The following NLRP1 variants were observed in gnomAD, a reference collection of about 807,000 sequenced individuals.
The protein encoded by NLRP1 is NACHT, LRR and PYD domains-containing protein 1.
Under a neutral mutation model 136.7 loss-of-function variants are expected in NLRP1, and 94 were observed. The observed-to-expected ratio is 0.69, with a 90% CI of 0.58 to 0.82. The LOEUF is 0.82. NLRP1 is among the 40% of genes least tolerant of loss of function. NLRP1 has a pLI of 0.00. For missense variants in NLRP1, 1,575 were observed against 1,802.7 expected, an observed-to-expected ratio of 0.87 and a Z score of 2.29; for synonymous variants, 690 against 725.1, an observed-to-expected ratio of 0.95 and a Z score of 0.78.
downstream of NLRP1, among the ~76,000 whole-genome samples, chr17:5,511,802 T>G (rs540185687): frequency 5.6e-5 from 8 of 142,276 alleles, no homozygotes; most frequent in East Asian, 3.0e-3. Flanking sequence ...TTCCTTTCTC[T>G]CTTTCCTTCC....
At chr17:5,527,071 C>T (rs763164441) in intron 12 of NLRP1, among the ~76,000 whole-genome samples, 5 of 152,340 alleles carry the variant, frequency 3.3e-5, no homozygotes, top group East Asian at 3.9e-4. Context: ...GGGCCCTGCC[C>T]GGCCCCAGGG....
chr17:5,553,436 C>T lies in NLRP1; in HGVS notation c.2478G>A (p.Lys826=). ...SGNSLSHSAV[K]SLCKTLRRPR... The stretch of plus-strand genomic sequence containing the variant: ...GGCGTCTCAGGGTCTTACAAAGACT[C>T]TTCACTGCAGAGTGGCTCAGCGAGT... Residue 826 remains lysine (K), a synonymous_variant, in exon 5 of 17, where the codon AAG becomes AAA. Coordinates refer to ENST00000572272, the MANE Select transcript of NLRP1 (RefSeq NM_033004.4). The T allele has an allele frequency of 6.2e-7, 1 of 1,614,186 alleles. No homozygotes were observed. Among genetic ancestry groups the T allele is most frequent in the African/African-American group, 1.3e-5 (1 of 75,054 alleles).
At chr17:5,542,912 C>A (rs1201192553) in intron 5 of NLRP1, among the ~76,000 whole-genome samples, 2 of 152,118 alleles carry the variant, frequency 1.3e-5, no homozygotes, top group Admixed American at 6.5e-5. Context: ...TCACTGCAAC[C>A]TCCGCGCCCT....
chr17:5,516,179 A>T (rs921413168), intron 15 of NLRP1, among the ~76,000 whole-genome samples: 1 of 152,074 alleles, frequency 6.6e-6, no homozygotes, highest in African/African-American at 2.4e-5. Flanking sequence ...CAGTTCAGGG[A>T]GGTGGGCACA....
At chr17:5,557,809 C>T (rs765775450) in intron 4 of NLRP1, among the ~76,000 whole-genome samples, 10 of 152,178 alleles carry the variant, frequency 6.6e-5, no homozygotes, top group African/African-American at 1.7e-4. Context: ...GGTGGCACCA[C>T]GGTCACAAAT....
chr17:5,529,140 T>C (rs1342480460), intron 12 of NLRP1, among the ~76,000 whole-genome samples: 1 of 152,218 alleles, frequency 6.6e-6, no homozygotes, highest in Non-Finnish European at 1.5e-5. Flanking sequence ...TTCACATTAA[T>C]GAGACTAATC....
downstream of NLRP1, chr17:5,512,339 T>A (rs2151730406): frequency 1.5e-6 from 2 of 1,334,186 alleles, no homozygotes; most frequent in South Asian, 2.3e-5. Context: ...GGGTCTACTT[T>A]AGCCTTACAC....
rs906633987 is a variant in NLRP1, at chr17:5,584,286, C to T, written c.-329G>A. 7.3e-6 allele frequency: 3 copies of T among 409,914 alleles called. No homozygotes were observed. Among genetic ancestry groups the T allele is most frequent in the East Asian group, 5.1e-5 (1 of 19,472 alleles). 25.4% of individuals were successfully genotyped at this position (409,914 alleles called of 1,614,324 possible). A position where few individuals can be genotyped will look rare whatever the true frequency, so the allele number is the denominator to read the frequency against. On this transcript the variant is annotated 5_prime_UTR_variant, in exon 1 of 17. Coordinates refer to ENST00000572272, the MANE Select transcript of NLRP1 (RefSeq NM_033004.4). ...GTGACGGGAGATGGGGTGTGGGCAA[C>T]GCTCACTGTTCTGTGTTCCTCAGAT...
intron 3 of NLRP1, among the ~76,000 whole-genome samples, chr17:5,577,564 A>G (rs1905142400): frequency 6.6e-6 from 1 of 152,224 alleles, no homozygotes; most frequent in African/African-American, 2.4e-5. Context: ...GATGTGAAGG[A>G]CCTCTTCAAG....
At chr17:5,551,407 C>G (rs940122091) in intron 5 of NLRP1, among the ~76,000 whole-genome samples, 1 of 152,010 alleles carries the variant, frequency 6.6e-6, no homozygotes, top group Non-Finnish European at 1.5e-5. Context: ...CTGTTTGTAC[C>G]ACAATTTATG....
intron 8 of NLRP1, 58 bp downstream of exon 8, chr17:5,536,792 TG>T: frequency 8.1e-7 from 1 of 1,234,448 alleles, no homozygotes. Flanking sequence ...GCTCTTTCCC[TG>T]TCTCCTGCTC....
intron 3 of NLRP1, among the ~76,000 whole-genome samples, chr17:5,581,435 C>T (rs184304291): frequency 4.9e-4 from 74 of 152,280 alleles, no homozygotes; most frequent in Non-Finnish European, 7.8e-4. Context: ...CCAATGTACA[C>T]GTAAAGCCCT....
intron 7 of NLRP1, among the ~76,000 whole-genome samples, chr17:5,539,074 T>G (rs1217565448): frequency 6.6e-6 from 1 of 152,200 alleles, no homozygotes; most frequent in East Asian, 1.9e-4. Context: ...TTTCAGCATG[T>G]TGGCCAGGCT....
intron 15 of NLRP1, among the ~76,000 whole-genome samples, chr17:5,506,663 G>A (rs557027975): frequency 9.9e-5 from 15 of 151,818 alleles, no homozygotes; most frequent in African/African-American, 3.6e-4. Context: ...AAGCCGAGGC[G>A]GGAGGATCAC....
At chr17:5,546,416 C>T (rs1451963660) in intron 5 of NLRP1, among the ~76,000 whole-genome samples, 1 of 152,172 alleles carries the variant, frequency 6.6e-6, no homozygotes, top group Non-Finnish European at 1.5e-5. Context: ...CCAGAGGAGG[C>T]CAAGGGTCCA....
At chr17:5,572,530 A>C (rs1904489142) in intron 3 of NLRP1, among the ~76,000 whole-genome samples, 1 of 152,072 alleles carries the variant, frequency 6.6e-6, no homozygotes, top group Non-Finnish European at 1.5e-5. Flanking sequence ...CAGCCTGGCC[A>C]ACAGACCATC....
intron 9 of NLRP1, 140 bp from the exon 10 acceptor site, chr17:5,533,524 C>T: frequency 1.8e-6 from 1 of 569,692 alleles, no homozygotes; most frequent in South Asian, 2.1e-5. Context: ...CCACTGCACT[C>T]CAGCCTGAAC....
intron 5 of NLRP1, among the ~76,000 whole-genome samples, chr17:5,546,177 G>A (rs573731248): frequency 1.3e-5 from 2 of 152,332 alleles, no homozygotes; most frequent in African/African-American, 2.4e-5. Context: ...TATGGCAGAT[G>A]TCTTTACCAA....
intron 4 of NLRP1, among the ~76,000 whole-genome samples, chr17:5,554,262 G>C (rs1174615813): frequency 6.6e-6 from 1 of 152,128 alleles, no homozygotes; most frequent in Non-Finnish European, 1.5e-5. Context: ...AGAGATGACG[G>C]GCTTTGTCTG....
Sources: allele counts gnomAD v4.1 joint callset (sites outside exome capture counted in the v4.1 genomes callset), GRCh38; gene constraint gnomAD v4.1.1; transcripts MANE v1.5; gene names NCBI Gene and HGNC (gene_info 2026-07-23, HGNC 2026-07-21).